The following NCK2 variants were observed in gnomAD, a reference collection of about 807,000 sequenced individuals.
NCK2 encodes cytoplasmic protein NCK2.
NCK2 carries 16 observed loss-of-function variants against 33.9 expected under a neutral mutation model. The observed-to-expected ratio is 0.47, with a 90% CI of 0.32 to 0.72. The LOEUF is 0.72. Among genes scored for constraint, NCK2 ranks in the 30% least tolerant of loss-of-function variants. The pLI, the probability that NCK2 is intolerant of heterozygous loss-of-function variation, is 0.03. For synonymous variants in NCK2, 273 were observed against 239.9 expected (o/e 1.14, Z -1.27); for missense variants, 418 against 537.3 (o/e 0.78, Z 2.19).
At chr2:105,769,079 C>T (rs911366994) in intron 1 of NCK2, among the ~76,000 whole-genome samples, 2 of 152,204 alleles carry the variant, frequency 1.3e-5, no homozygotes, top group African/African-American at 4.8e-5. Flanking sequence ...AGGGGCACCC[C>T]CCAACCCCAC....
At chr2:105,824,317 A>G (rs571420971) in intron 2 of NCK2, among the ~76,000 whole-genome samples, 33 of 152,346 alleles carry the variant, frequency 2.2e-4, no homozygotes, top group African/African-American at 5.5e-4. Context: ...TCTGACAGTG[A>G]GAGCCCAGTC....
At chr2:105,829,943 A>G (rs1019966187) in intron 2 of NCK2, among the ~76,000 whole-genome samples, 4 of 151,942 alleles carry the variant, frequency 2.6e-5, no homozygotes, top group African/African-American at 9.7e-5. Context: ...GAGTTGATAC[A>G]TTTTGTTTTC....
At chr2:105,814,335 A>G (rs995548155) in intron 1 of NCK2, among the ~76,000 whole-genome samples, 1 of 152,182 alleles carries the variant, frequency 6.6e-6, no homozygotes, top group African/African-American at 2.4e-5. Context: ...CACGTTTTAC[A>G]CTTGAATCCC....
chr2:105,893,509 C>G lies in NCK2; in HGVS notation c.*333C>G, dbSNP rs1679084951. 1 of 276,104 alleles carries G rather than the reference C, an allele frequency of 3.6e-6. No homozygotes were observed. Among genetic ancestry groups the G allele is most frequent in the African/African-American group, 2.1e-5 (1 of 46,720 alleles). 17.1% of individuals were successfully genotyped at this position (276,104 alleles called of 1,614,324 possible). On this transcript the variant is annotated 3_prime_UTR_variant, in exon 5 of 5. Transcript: ENST00000233154. ...CGCAGGGCACCTGTGAGCGCAGGAG[C>G]GAGCCTAAGGCCACCCAGCGGCAGC...
intron 2 of NCK2, among the ~76,000 whole-genome samples, chr2:105,824,387 C>G (rs1420610051): frequency 6.6e-6 from 1 of 152,172 alleles, no homozygotes; most frequent in Admixed American, 6.5e-5. Flanking sequence ...TATGATCTTA[C>G]CCAGAGGTTA....
At position 105,893,143 on chromosome 2, in the gene NCK2, G is replaced by A. The variant is rs371017821; in HGVS notation, c.1110G>A (p.Gly370=). 2 of 1,610,144 alleles carry A rather than the reference G, an allele frequency of 1.2e-6. No individual in the cohort carries two copies. Among genetic ancestry groups the A allele is most frequent in the Non-Finnish European group, 1.7e-6 (2 of 1,178,088 alleles). Reference sequence around the variant, plus strand: ...CGCCCATCTTCACCAGCGAGCACGGGGAGAAGCTCTACCTCGTCAGGGCCC... The same window carrying A: ...CGCCCATCTTCACCAGCGAGCACGGAGAGAAGCTCTACCTCGTCAGGGCCC... ...KKAPIFTSEH[G]EKLYLVRALQ is the part of the protein sequence containing the mutation. The change falls in exon 5 of 5, where the codon GGG becomes GGA. Residue 370 remains glycine (G), a synonymous_variant. Coordinates refer to ENST00000233154, the MANE Select transcript of NCK2 (RefSeq NM_003581.5).
chr2:105,796,039 C>A (rs1691071884), intron 1 of NCK2, among the ~76,000 whole-genome samples: 1 of 152,246 alleles, frequency 6.6e-6, no homozygotes, highest in African/African-American at 2.4e-5. Context: ...TGGTATAAAT[C>A]ATATGTGCAG....
chr2:105,835,421 A>T (rs1443563727), intron 2 of NCK2, among the ~76,000 whole-genome samples: 2 of 74,370 alleles, frequency 2.7e-5, no homozygotes, highest in African/African-American at 1.6e-4. Context: ...ATATATATAT[A>T]TATTTTTTTT....
chr2:105,857,700 T>C (rs960809464), intron 3 of NCK2, among the ~76,000 whole-genome samples: 2 of 152,266 alleles, frequency 1.3e-5, no homozygotes, highest in African/African-American at 4.8e-5. Context: ...CAAAAGGCCC[T>C]TGGGGATCAG....
intron 2 of NCK2, among the ~76,000 whole-genome samples, chr2:105,844,801 TATAA>T (rs1286821142): frequency 2.0e-5 from 3 of 147,830 alleles, no homozygotes; most frequent in African/African-American, 7.4e-5. Context: ...TAAAAGAATA[TATAA>T]ATATATATAC....
At chr2:105,824,926 C>T (rs559030452) in intron 2 of NCK2, among the ~76,000 whole-genome samples, 9 of 152,188 alleles carry the variant, frequency 5.9e-5, no homozygotes, top group Non-Finnish European at 1.3e-4. Context: ...ATCAGGAGCC[C>T]ATCTCCCACC....
chr2:105,766,204 C>CG (rs1339157996), intron 1 of NCK2, among the ~76,000 whole-genome samples: 1 of 152,072 alleles, frequency 6.6e-6, no homozygotes, highest in African/African-American at 2.4e-5. Flanking sequence ...CAGGAGAGCC[C>CG]GGGAATGTGG....
chr2:105,812,815 C>CAT lies in NCK2; in HGVS notation c.-200-3615_-200-3614insAT, dbSNP rs1553456371. 3.1e-4 allele frequency among the ~76,000 whole-genome samples: 44 copies of CAT among 142,972 alleles called. No homozygotes were observed. The South Asian group carries it at 8.7e-3, about 28-fold the overall frequency. 93.8% of individuals were successfully genotyped at this position (142,972 alleles called of 152,430 possible). Reference sequence around the variant, plus strand: ...AGCCAGGTGACACTATTCAACAAGGCTTTTTTTTTTTTTTCCCTCCTGTGC... The same window carrying CAT: ...AGCCAGGTGACACTATTCAACAAGGCATTTTTTTTTTTTTTTCCCTCCTGTGC... On this transcript the variant is annotated intron_variant, in intron 1 of 4. Transcript: ENST00000233154.
At chr2:105,768,335 G>A (rs1356615573) in intron 1 of NCK2, among the ~76,000 whole-genome samples, 1 of 152,160 alleles carries the variant, frequency 6.6e-6, no homozygotes, top group Non-Finnish European at 1.5e-5. Context: ...CACCACCTAG[G>A]TGTCCCCTAA....
chr2:105,869,086 C>T (rs775695111), intron 3 of NCK2, among the ~76,000 whole-genome samples: 7 of 152,180 alleles, frequency 4.6e-5, no homozygotes, highest in Admixed American at 3.9e-4. Context: ...ACCTGGGAAA[C>T]GGGGCTCCTC....
intron 4 of NCK2, among the ~76,000 whole-genome samples, chr2:105,887,787 T>G (rs942575582): frequency 6.6e-6 from 1 of 152,200 alleles, no homozygotes; most frequent in African/African-American, 2.4e-5. Flanking sequence ...ACATCTGTTT[T>G]ATAAAACTGC....
intron 1 of NCK2, among the ~76,000 whole-genome samples, chr2:105,800,338 A>G (rs1016997107): frequency 2.0e-5 from 3 of 152,140 alleles, no homozygotes; most frequent in African/African-American, 7.2e-5. Context: ...TGTTGTAAAG[A>G]TTGATTGAGA....
chr2:105,796,512 G>T (rs780774299), intron 1 of NCK2, among the ~76,000 whole-genome samples: 5 of 152,262 alleles, frequency 3.3e-5, no homozygotes, highest in East Asian at 1.9e-4. Context: ...ATTGGCACCG[G>T]TTGCAGAGAG....
rs1487167835 is a variant in NCK2 at position 105,869,694 on chromosome 2, C to G, written c.227-11634C>G. ...CAGTGGATTGACACTTTAAGCAGTG[C>G]TCCAGAATGCCGTGTCTCATCCTTG... On this transcript the variant is annotated intron_variant, in intron 3 of 4. Transcript: ENST00000233154. Among the ~76,000 whole-genome samples the G allele has an allele frequency of 2.0e-5, 3 of 152,330 alleles. No homozygotes were observed. The East Asian group carries it at 5.8e-4, about 29-fold the overall frequency.
Sources: gnomAD v4.1 joint callset for allele counts (sites outside exome capture counted in the v4.1 genomes callset) on GRCh38, gnomAD v4.1.1 for gene constraint, MANE v1.5 for transcripts, NCBI Gene and HGNC (gene_info 2026-07-23, HGNC 2026-07-21) for gene names.